The following PHF14 variants were observed in gnomAD, a reference collection of about 807,000 sequenced individuals.
PHF14 encodes PHD finger protein 14.
Under a neutral mutation model 117.9 loss-of-function variants are expected in PHF14, and 55 were observed. That is an observed-to-expected ratio of 0.47 (90% CI 0.38 to 0.58). The LOEUF (loss-of-function observed/expected upper bound fraction) is 0.58. Among genes scored for constraint, PHF14 ranks in the 20% least tolerant of loss-of-function variants. PHF14 has a pLI of 0.00. For missense variants in PHF14, 978 were observed against 1,122.2 expected (o/e 0.87, Z 1.84); for synonymous variants, 409 against 368.6 (o/e 1.11, Z -1.26).
intron 16 of PHF14, chr7:11,062,569 T>C (rs1785264911): frequency 5.4e-6 from 2 of 369,544 alleles, no homozygotes; most frequent in South Asian, 2.2e-4. Context: ...GCTTCTCCCT[T>C]ACGAAATAAA....
At chr7:11,030,629 A>T (rs932028862) in intron 7 of PHF14, among the ~76,000 whole-genome samples, 38 of 152,130 alleles carry the variant, frequency 2.5e-4, no homozygotes, top group African/African-American at 8.9e-4. Flanking sequence ...TCTTACCTAT[A>T]AGCTAATTTG....
chr7:11,087,732 A>T (rs1269811793), intron 16 of PHF14, among the ~76,000 whole-genome samples: 1 of 152,036 alleles, frequency 6.6e-6, no homozygotes, highest in African/African-American at 2.4e-5. Context: ...CCCATGCTTC[A>T]TCTGTGTGTG....
intron 4 of PHF14, among the ~76,000 whole-genome samples, chr7:11,004,485 G>C (rs140762730): frequency 2.0e-5 from 3 of 151,330 alleles, no homozygotes; most frequent in African/African-American, 7.3e-5. Context: ...ACACCCCACA[G>C]GATCCATTCA....
intron 16 of PHF14, among the ~76,000 whole-genome samples, chr7:11,085,098 TG>T (rs1311841104): frequency 2.6e-5 from 4 of 152,206 alleles, no homozygotes; most frequent in Non-Finnish European, 4.4e-5. Context: ...AAACCTAATT[TG>T]GTATGTTATG....
In PHF14 at chr7:11,103,291, T is replaced by G. The variant is rs556734335; in HGVS notation, c.2655-8059T>G. ...TATTTTTAGTAATACCCAAATATAT[T>G]CAGTCCTTATTGTTTTAATATAAGC... On this transcript the variant is annotated intron_variant, in intron 16 of 17. Transcript: ENST00000634607. 5 of 852,520 alleles carry G rather than the reference T, an allele frequency of 5.9e-6. 1 individual carries two copies. The South Asian group carries it at 2.2e-4, about 37-fold the overall frequency. 52.8% of individuals were successfully genotyped at this position (852,520 alleles called of 1,614,324 possible).
At chr7:11,159,633 G>T (rs1197265665) in intron 17 of PHF14, among the ~76,000 whole-genome samples, 1 of 152,054 alleles carries the variant, frequency 6.6e-6, no homozygotes, top group East Asian at 1.9e-4. Flanking sequence ...GGGTATCTTG[G>T]TTATAAGATT....
chr7:11,011,789 T>C (rs1387605344), intron 4 of PHF14, among the ~76,000 whole-genome samples: 3 of 152,194 alleles, frequency 2.0e-5, no homozygotes, highest in Non-Finnish European at 4.4e-5. Context: ...AATAAGTTAG[T>C]GTATGTCCAC....
intron 3 of PHF14, among the ~76,000 whole-genome samples, chr7:10,985,133 ATTAG>A (rs1363233997): frequency 5.3e-5 from 8 of 152,120 alleles, no homozygotes; most frequent in South Asian, 2.1e-4. Context: ...AATTGTGATT[ATTAG>A]TTATATTTCT....
chr7:10,993,301 G>A (rs773211043), intron 4 of PHF14, among the ~76,000 whole-genome samples: 2 of 151,950 alleles, frequency 1.3e-5, no homozygotes, highest in African/African-American at 2.4e-5. Context: ...CTGCTTTTCT[G>A]GTATTACAGC....
intron 5 of PHF14, chr7:11,015,305 A>G (rs1234273192): frequency 6.6e-6 from 1 of 152,210 alleles, no homozygotes; most frequent in East Asian, 1.9e-4. Flanking sequence ...TTGCTGGGAT[A>G]GCGTAGAATC....
intron 17 of PHF14, among the ~76,000 whole-genome samples, chr7:11,118,257 G>A (rs973813410): frequency 4.0e-5 from 6 of 151,804 alleles, no homozygotes; most frequent in African/African-American, 1.4e-4. Flanking sequence ...CTCAAAGATG[G>A]TTTTAGTTTT....
chr7:11,103,243 A>T (rs1787149771), intron 16 of PHF14: 1 of 908,466 alleles, frequency 1.1e-6, no homozygotes, highest in South Asian at 5.1e-5. Context: ...ATGAATAAAG[A>T]TATATCTGTG....
intron 17 of PHF14, among the ~76,000 whole-genome samples, chr7:11,137,839 G>A (rs181691565): frequency 6.6e-6 from 1 of 151,894 alleles, no homozygotes; most frequent in East Asian, 1.9e-4. Flanking sequence ...GCCCACCTCG[G>A]CCTCCCTAAA....
intron 7 of PHF14, among the ~76,000 whole-genome samples, chr7:11,034,295 A>G (rs772733161): frequency 1.3e-5 from 2 of 152,056 alleles, no homozygotes; most frequent in African/African-American, 4.8e-5. Context: ...CCTTTTTGGG[A>G]CAGACATAAA....
intron 16 of PHF14, among the ~76,000 whole-genome samples, chr7:11,080,019 A>C (rs1010384509): frequency 6.6e-6 from 1 of 152,186 alleles, no homozygotes; most frequent in Non-Finnish European, 1.5e-5. Context: ...CAGTGGTCTA[A>C]AAGATGGATT....
intron 5 of PHF14, among the ~76,000 whole-genome samples, chr7:11,019,530 A>T (rs1358586005): frequency 6.6e-6 from 1 of 152,186 alleles, no homozygotes; most frequent in African/African-American, 2.4e-5. Flanking sequence ...ATTGGCATAT[A>T]GTTGCTCATA....
chr7:11,103,084 A>G lies in PHF14; in HGVS notation c.2655-8266A>G, dbSNP rs142173904. 7 of 971,674 alleles carry G rather than the reference A, an allele frequency of 7.2e-6. No homozygotes were observed. The East Asian group carries it at 5.7e-4, about 79-fold the overall frequency. The allele number at this position is 971,674 out of a possible 1,614,324, so 60.2% of individuals were successfully genotyped here. ...AAGTACTGCATTGTAAAACAACTATAGACTCATATTAAATGTTATTTCTAT... is the reference window on the plus strand; with the variant it reads ...AAGTACTGCATTGTAAAACAACTATGGACTCATATTAAATGTTATTTCTAT... On this transcript the variant is annotated intron_variant, in intron 16 of 17. Transcript: ENST00000634607.
At chr7:11,050,056 G>C (rs1226718625) in intron 13 of PHF14, among the ~76,000 whole-genome samples, 1 of 151,926 alleles carries the variant, frequency 6.6e-6, no homozygotes, top group African/African-American at 2.4e-5. Flanking sequence ...AATACGTTAA[G>C]GATTAATTTG....
chr7:11,068,712 A>T (rs943928728), intron 16 of PHF14, among the ~76,000 whole-genome samples: 1 of 152,198 alleles, frequency 6.6e-6, no homozygotes, highest in South Asian at 2.1e-4. Context: ...ATTGATTTTT[A>T]AAAATAACCT....
Sources: gnomAD v4.1 joint callset for allele counts (sites outside exome capture counted in the v4.1 genomes callset) on GRCh38, gnomAD v4.1.1 for gene constraint, MANE v1.5 for transcripts, NCBI Gene and HGNC (gene_info 2026-07-23, HGNC 2026-07-21) for gene names.